AGBL1: variants seen among roughly 807,000 people sequenced by gnomAD.
AGBL1 encodes AGBL carboxypeptidase 1.
In AGBL1, 130 loss-of-function variants were observed where a neutral mutation model predicts 118.9. The ratio of observed to expected loss-of-function variants is 1.09; its 90% CI spans 0.95 to 1.26. The LOEUF is 1.26. AGBL1 is among the 50% of genes most tolerant of loss of function. The pLI, the probability that AGBL1 is intolerant of heterozygous loss-of-function variation, is 0.00. For synonymous variants in AGBL1, 555 were observed against 478.9 expected (o/e 1.16, Z -2.08); for missense variants, 1,584 against 1,298.1 (o/e 1.22, Z -3.38).
intron 5 of AGBL1, among the ~76,000 whole-genome samples, chr15:86,170,118 C>A (rs28565022): frequency 6.6e-6 from 1 of 152,146 alleles, no homozygotes; most frequent in African/African-American, 2.4e-5. Flanking sequence ...CATTAAAGAG[C>A]TATTCTAACT....
chr15:86,095,096 TC>T (rs1251161512), intron 1 of AGBL1, among the ~76,000 whole-genome samples: 2 of 146,692 alleles, frequency 1.4e-5, no homozygotes, highest in African/African-American at 5.5e-5. Flanking sequence ...AAATGAATAG[TC>T]AGATGGAGAG....
intron 5 of AGBL1, among the ~76,000 whole-genome samples, chr15:86,205,037 T>C (rs2077969022): frequency 6.6e-6 from 1 of 152,218 alleles, no homozygotes; most frequent in East Asian, 1.9e-4. Flanking sequence ...CAGAGTAATT[T>C]CACTGCTCTA....
Position 86,364,998 on chromosome 15 carries a change from C to CACACAT in AGBL1, c.2375-32367_2375-32366insCACATA, listed in dbSNP as rs1555472717. On this transcript the variant is annotated intron_variant, in intron 17 of 22. Transcript: ENST00000614907. Reference sequence around the variant, plus strand: ...ATATATATATATATATACACACACACATATATATATACACACACATATATA... The same window carrying CACACAT: ...ATATATATATATATATACACACACACACACATATATATATATACACACACATATATA... 1.2e-4 allele frequency among the ~76,000 whole-genome samples: 15 copies of CACACAT among 121,202 alleles called. 1 individual carries two copies. The highest frequency in any genetic ancestry group is 5.1e-4 in the African/African-American group (15 of 29,602). The allele number at this position is 121,202 out of a possible 152,430, so 79.5% of individuals were successfully genotyped here.
chr15:86,360,795 A>G lies in AGBL1; in HGVS notation c.2375-36571A>G, dbSNP rs186435537. Among the ~76,000 whole-genome samples the G allele has an allele frequency of 3.4e-4, 51 of 151,976 alleles. No homozygotes were observed. In the East Asian group the frequency reaches 4.4e-3, roughly 13 times the overall value. On this transcript the variant is annotated intron_variant, in intron 17 of 22. Transcript: ENST00000614907. ...GTTGTATATTTCTAGGAATTTATCA[A>G]TTTTGTTGGTATACAATTGCCCATA...
At chr15:86,863,936 C>G (rs2079592307) in intron 22 of AGBL1, among the ~76,000 whole-genome samples, 1 of 152,142 alleles carries the variant, frequency 6.6e-6, no homozygotes, top group South Asian at 2.1e-4. Flanking sequence ...ACACAAACTA[C>G]TTAGCCTAGC....
intron 1 of AGBL1, among the ~76,000 whole-genome samples, chr15:86,087,799 A>C (rs1567045708): frequency 6.6e-6 from 1 of 152,376 alleles, no homozygotes; most frequent in East Asian, 1.9e-4. Flanking sequence ...TGCCCTCACC[A>C]GGTGCATTAA....
At chr15:86,658,699 A>C (rs1488720222) in intron 21 of AGBL1, among the ~76,000 whole-genome samples, 1 of 152,216 alleles carries the variant, frequency 6.6e-6, no homozygotes, top group Non-Finnish European at 1.5e-5. Context: ...ATGTGGATAC[A>C]GAAAGCCATA....
intron 17 of AGBL1, among the ~76,000 whole-genome samples, chr15:86,365,434 G>GTAGA (rs948181892): frequency 2.0e-5 from 3 of 152,152 alleles, no homozygotes; most frequent in Non-Finnish European, 4.4e-5. Flanking sequence ...ACTGCTTGCT[G>GTAGA]TAGATCTCCA....
At chr15:86,337,246 G>A (rs936762378) in intron 17 of AGBL1, among the ~76,000 whole-genome samples, 7 of 152,046 alleles carry the variant, frequency 4.6e-5, no homozygotes, top group Non-Finnish European at 8.8e-5. Flanking sequence ...ACAGATTTAC[G>A]CAGGAAACAG....
intron 21 of AGBL1, among the ~76,000 whole-genome samples, chr15:86,574,864 C>T (rs972923885): frequency 6.6e-6 from 1 of 151,848 alleles, no homozygotes; most frequent in Admixed American, 6.6e-5. Context: ...AGATGTGAGC[C>T]ACTGCACCTG....
At chr15:86,794,557 A>T (rs2078542994) in intron 22 of AGBL1, among the ~76,000 whole-genome samples, 1 of 152,200 alleles carries the variant, frequency 6.6e-6, no homozygotes, top group African/African-American at 2.4e-5. Context: ...TGAGCGCAGT[A>T]AAAGCTACTG....
chr15:86,154,401 A>G (rs1292088928), intron 3 of AGBL1, 29 bp from the exon 4 acceptor site: 1 of 1,605,936 alleles, frequency 6.2e-7, no homozygotes, highest in Admixed American at 1.7e-5. Flanking sequence ...TGTGAAGTGC[A>G]ACTAAGATAG....
chr15:86,569,412 G>GAAA (rs11389548), intron 21 of AGBL1, among the ~76,000 whole-genome samples: 1 of 142,880 alleles, frequency 7.0e-6, no homozygotes. Flanking sequence ...AGAAAACAAG[G>GAAA]AAAAAAAAAA....
intron 19 of AGBL1, among the ~76,000 whole-genome samples, chr15:86,524,053 CA>C (rs1207247159): frequency 6.6e-6 from 1 of 152,146 alleles, no homozygotes; most frequent in African/African-American, 2.4e-5. Flanking sequence ...TACTATGTGA[CA>C]AAAAGGTGGC....
At chr15:86,693,181 C>T (rs2086201067) in intron 22 of AGBL1, among the ~76,000 whole-genome samples, 1 of 152,088 alleles carries the variant, frequency 6.6e-6, no homozygotes, top group Non-Finnish European at 1.5e-5. Flanking sequence ...TAAGGAACCT[C>T]CACACTGTTT....
intron 5 of AGBL1, among the ~76,000 whole-genome samples, chr15:86,185,283 TAAG>T (rs1203142452): frequency 2.6e-5 from 4 of 152,122 alleles, no homozygotes; most frequent in African/African-American, 9.7e-5. Context: ...TGTGGCAAAA[TAAG>T]AACACTCTTA....
intron 17 of AGBL1, among the ~76,000 whole-genome samples, chr15:86,331,574 A>G (rs1033943376): frequency 4.6e-5 from 7 of 152,238 alleles, no homozygotes; most frequent in African/African-American, 1.7e-4. Context: ...TTGCATACAT[A>G]GGGAACCCTA....
At chr15:86,900,478 GTTCT>G (rs1256001084) in intron 22 of AGBL1, among the ~76,000 whole-genome samples, 1 of 151,948 alleles carries the variant, frequency 6.6e-6, no homozygotes, top group Non-Finnish European at 1.5e-5. Flanking sequence ...TCCATTCTTA[GTTCT>G]TTCTTTTAAT....
chr15:86,822,951 G>A (rs1487334971), intron 22 of AGBL1, among the ~76,000 whole-genome samples: 2 of 152,134 alleles, frequency 1.3e-5, no homozygotes, highest in Non-Finnish European at 2.9e-5. Context: ...AGAAATCTTA[G>A]AGGCGTTCCT....
Sources: gnomAD v4.1 joint callset for allele counts (sites outside exome capture counted in the v4.1 genomes callset) on GRCh38, gnomAD v4.1.1 for gene constraint, MANE v1.5 for transcripts, NCBI Gene and HGNC (gene_info 2026-07-23, HGNC 2026-07-21) for gene names.